RCN1: variants seen among roughly 807,000 people sequenced by gnomAD.
The protein encoded by RCN1 is reticulocalbin 1, also known as reticulocalbin-1.
RCN1 carries 14 observed loss-of-function variants against 34.7 expected under a neutral mutation model. The ratio of observed to expected loss-of-function variants is 0.40; its 90% CI spans 0.27 to 0.63. RCN1 has a LOEUF of 0.63. RCN1 is among the 30% of genes least tolerant of loss of function. The pLI, the probability that RCN1 is intolerant of heterozygous loss-of-function variation, is 0.37. For missense variants in RCN1, 326 were observed against 425.1 expected (o/e 0.77, Z 2.05); for synonymous variants, 125 against 165.5 (o/e 0.76, Z 1.88).
chr11:32,091,474 T>G (rs2133470801), intron 1 of RCN1, 24 bp downstream of exon 1: 1 of 1,536,422 alleles, frequency 6.5e-7, no homozygotes, highest in East Asian at 2.5e-5. Flanking sequence ...CAGGGCCCCG[T>G]GGGGGGCGGC....
At position 32,098,462 on chromosome 11, in the gene RCN1, T is replaced by G; in HGVS notation, c.561T>G (p.Thr187=). ...ACCTCAATGGTGACCTGACAGCTACTCGGGAGGAGTTCACTGCCTTTCTGC... is the reference window on the plus strand; with the variant it reads ...ACCTCAATGGTGACCTGACAGCTACGCGGGAGGAGTTCACTGCCTTTCTGC... The part of the protein sequence containing the change: ...AADLNGDLTA[T]REEFTAFLHP... The change falls in exon 3 of 6, where the codon ACT becomes ACG. Residue 187 remains threonine, a synonymous_variant. Coordinates refer to ENST00000054950, the MANE Select transcript of RCN1 (RefSeq NM_002901.4). 6.2e-7 allele frequency: 1 copy of G among 1,614,132 alleles called. No individual in the cohort carries two copies. Among genetic ancestry groups the G allele is most frequent in the Middle Eastern group, 1.6e-4 (1 of 6,062 alleles).
chr11:32,103,490 A>T lies in RCN1; in HGVS notation c.888+10A>T. 1 of 1,610,366 alleles carries T rather than the reference A, an allele frequency of 6.2e-7. No individual in the cohort carries two copies. Among genetic ancestry groups the T allele is most frequent in the Non-Finnish European group, 8.5e-7 (1 of 1,176,596 alleles). On this transcript the variant is annotated intron_variant, in intron 5 of 5. Transcript: ENST00000054950. Reference sequence around the variant, plus strand: ...ATCAGACAAAAACAAGGTATTTCCCATTCTTCTGGAATCACTGATTGAAGG... The same window carrying T: ...ATCAGACAAAAACAAGGTATTTCCCTTTCTTCTGGAATCACTGATTGAAGG...
chr11:32,098,655 T>C (rs1852001296), intron 3 of RCN1, 127 bp downstream of exon 3: 5 of 780,220 alleles, frequency 6.4e-6, no homozygotes, highest in Non-Finnish European at 1.0e-5. Flanking sequence ...GAAGTAGAGT[T>C]TGTTGGAATC....
chr11:32,091,677 C>A (rs942211194), intron 1 of RCN1: 6 of 539,300 alleles, frequency 1.1e-5, no homozygotes, highest in Non-Finnish European at 1.9e-5. Context: ...GGTGGTTTCT[C>A]GCGGGGAGGC....
At chr11:32,094,098 A>T (rs1202561249) in intron 1 of RCN1, among the ~76,000 whole-genome samples, 1 of 152,144 alleles carries the variant, frequency 6.6e-6, no homozygotes, top group Non-Finnish European at 1.5e-5. Flanking sequence ...GCTGGAAATT[A>T]TGGGTCCTGT....
At chr11:32,093,621 A>G (rs1851943054) in intron 1 of RCN1, among the ~76,000 whole-genome samples, 1 of 152,072 alleles carries the variant, frequency 6.6e-6, no homozygotes, top group Non-Finnish European at 1.5e-5. Context: ...GGGTTTGAAA[A>G]GCGTTCTGGG....
chr11:32,096,954 T>G (rs1851977921), intron 1 of RCN1, 190 bp from the exon 2 acceptor site: 2 of 537,552 alleles, frequency 3.7e-6, no homozygotes, highest in Non-Finnish European at 6.3e-6. Flanking sequence ...GGAAAGCACA[T>G]CAACCTTGGA....
intron 1 of RCN1, 91 bp downstream of exon 1, chr11:32,091,541 A>G (rs1851921869): frequency 1.4e-5 from 21 of 1,470,746 alleles, no homozygotes; most frequent in Non-Finnish European, 1.7e-5. Flanking sequence ...CGCCAAAGCG[A>G]AAGCGAAATC....
chr11:32,104,538 A>G lies in RCN1; in HGVS notation c.*66A>G. The G allele has an allele frequency of 3.3e-6, 3 of 904,486 alleles. No individual in the cohort carries two copies. Among genetic ancestry groups the G allele is most frequent in the South Asian group, 1.5e-5 (1 of 66,800 alleles). The allele number at this position is 904,486 out of a possible 1,614,324, so 56.0% of individuals were successfully genotyped here. On this transcript the variant is annotated 3_prime_UTR_variant, in exon 6 of 6. Coordinates refer to ENST00000054950, the MANE Select transcript of RCN1 (RefSeq NM_002901.4). ...TGTTATTGTCTTGGATTGTTGCTAC[A>G]ATTGTCTAATTTACAGCAGTTGTGA...
intron 1 of RCN1, among the ~76,000 whole-genome samples, chr11:32,092,448 T>C (rs1851932893): frequency 6.6e-6 from 1 of 152,046 alleles, no homozygotes; most frequent in African/African-American, 2.4e-5. Flanking sequence ...TGGCAGCAGA[T>C]GTCTGCAGAA....
chr11:32,099,275 C>G (rs1852008206), intron 3 of RCN1, among the ~76,000 whole-genome samples: 1 of 151,346 alleles, frequency 6.6e-6, no homozygotes, highest in Non-Finnish European at 1.5e-5. Context: ...GAGCCGAGAT[C>G]GTGCCATTGC....
At chr11:32,095,865 T>C (rs1417385372) in intron 1 of RCN1, among the ~76,000 whole-genome samples, 2 of 152,184 alleles carry the variant, frequency 1.3e-5, no homozygotes, top group African/African-American at 2.4e-5. Flanking sequence ...TGAGACCTGT[T>C]AAACTTGCAA....
At chr11:32,103,083 T>C in intron 4 of RCN1, 198 bp from the exon 5 acceptor site, 1 of 669,542 alleles carries the variant, frequency 1.5e-6, no homozygotes. Context: ...CAGTTCTTTC[T>C]ACTCCACCAC....
At chr11:32,097,911 T>C (rs1352116576) in intron 2 of RCN1, among the ~76,000 whole-genome samples, 1 of 151,912 alleles carries the variant, frequency 6.6e-6, no homozygotes, top group African/African-American at 2.4e-5. Context: ...GGGTGCATGG[T>C]GAGGTTGGCA....
chr11:32,105,286 G>A lies in RCN1; in HGVS notation c.*814G>A, dbSNP rs113715493. 9.8e-3 allele frequency: 1,606 copies of A among 164,392 alleles called. 20 individuals carry two copies. Among genetic ancestry groups the A allele is most frequent in the African/African-American group, 0.026 (1,070 of 41,572 alleles). 10.2% of individuals were successfully genotyped at this position (164,392 alleles called of 1,614,324 possible). A position where few individuals can be genotyped will look rare whatever the true frequency, so the allele number is the denominator to read the frequency against. On this transcript the variant is annotated 3_prime_UTR_variant, in exon 6 of 6. Transcript: ENST00000054950. ...AATAGGAATACAATGCATTTCCTCA[G>A]TGATCACTGATTAGAATGAGTTGGT...
At chr11:32,091,492 T>G in intron 1 of RCN1, 42 bp downstream of exon 1, 1 of 1,525,228 alleles carries the variant, frequency 6.6e-7, no homozygotes. Context: ...GGCGCAGGTG[T>G]CCGAGGGCCG....
rs1852025748 is a variant in RCN1, at chr11:32,100,579, A to G, written c.659A>G (p.Asp220Gly). 2 of 1,613,894 alleles carry G rather than the reference A, an allele frequency of 1.2e-6. No homozygotes were observed. Residue 220 changes from aspartate to glycine, a missense_variant, in exon 4 of 6, where the codon GAT becomes GGT. Asp to Gly is a moderately conservative substitution (Grantham distance 94). Coordinates refer to ENST00000054950, the MANE Select transcript of RCN1 (RefSeq NM_002901.4). Reference protein sequence around the residue: ...ETLEDIDKNGDGFVDQDEYIA... With the variant: ...ETLEDIDKNGGGFVDQDEYIA... ...CTGGAGGACATCGACAAGAACGGGGATGGGTTTGTGGATCAGGATGAGTAT... is the reference window on the plus strand; with the variant it reads ...CTGGAGGACATCGACAAGAACGGGGGTGGGTTTGTGGATCAGGATGAGTAT...
chr11:32,091,648 G>A (rs944044743), intron 1 of RCN1, 198 bp downstream of exon 1: 3 of 626,686 alleles, frequency 4.8e-6, no homozygotes, highest in Middle Eastern at 8.9e-4. Flanking sequence ...GGAGATCGCC[G>A]CCGCCGCGCC....
At position 32,091,654 on chromosome 11, in the gene RCN1, G is replaced by A. The variant is rs1851923254; in HGVS notation, c.254+204G>A. On this transcript the variant is annotated intron_variant, in intron 1 of 5. Transcript: ENST00000054950. ...CCCCAGCTTGGAGATCGCCGCCGCC[G>A]CGCCCCGGCCGGGGTGGTTTCTCGC... The A allele has an allele frequency of 2.4e-5, 15 of 614,420 alleles. 1 individual carries two copies. The South Asian group carries it at 3.9e-4, about 16-fold the overall frequency. 38.1% of individuals were successfully genotyped at this position (614,420 alleles called of 1,614,324 possible).
Sources: allele counts gnomAD v4.1 joint callset (sites outside exome capture counted in the v4.1 genomes callset), GRCh38; gene constraint gnomAD v4.1.1; transcripts MANE v1.5; gene names NCBI Gene and HGNC (gene_info 2026-07-23, HGNC 2026-07-21).